The following ACER2 variants were observed in gnomAD, a reference collection of about 807,000 sequenced individuals.
ACER2 encodes the protein alkCDase 2.
A neutral mutation model predicts 34.7 loss-of-function variants in ACER2; 26 were observed. That is an observed-to-expected ratio of 0.75 (90% CI 0.55 to 1.04). ACER2 has a LOEUF of 1.04. Among genes scored for constraint, ACER2 ranks in the 50% least tolerant of loss-of-function variants. The pLI is 0.00. For synonymous variants in ACER2, 138 were observed against 132.1 expected, an observed-to-expected ratio of 1.04 and a Z score of -0.31; for missense variants, 352 against 340.8, an observed-to-expected ratio of 1.03 and a Z score of -0.26.
chr9:19,430,373 C>G (rs1332891270), intron 3 of ACER2, among the ~76,000 whole-genome samples: 1 of 152,124 alleles, frequency 6.6e-6, no homozygotes, highest in Non-Finnish European at 1.5e-5. Flanking sequence ...GTGTGAGACC[C>G]TAATGGGCTG....
chr9:19,409,347 C>A (rs571734328), intron 1 of ACER2, among the ~76,000 whole-genome samples, 155 bp downstream of exon 1: 1 of 152,344 alleles, frequency 6.6e-6, no homozygotes, highest in South Asian at 2.1e-4. Flanking sequence ...CGGCGCGCTC[C>A]TTTCAGTTCT....
rs548750129 is a variant in ACER2, at chr9:19,438,416, G to T, written c.503+3332G>T. On this transcript the variant is annotated intron_variant, in intron 4 of 5. Coordinates refer to ENST00000340967, the MANE Select transcript of ACER2 (RefSeq NM_001010887.3). ...ATTATCCAGGAACTCTCCCTAATGTGCCTTGGGTGAAGATGTTAGTTGAAG... is the reference window on the plus strand; with the variant it reads ...ATTATCCAGGAACTCTCCCTAATGTTCCTTGGGTGAAGATGTTAGTTGAAG... Among the ~76,000 whole-genome samples, 8 of 152,268 alleles carry T rather than the reference G, an allele frequency of 5.3e-5. No homozygotes were observed. The South Asian group carries it at 1.7e-3, about 32-fold the overall frequency.
chr9:19,447,951 CAT>C (rs1831420430), intron 5 of ACER2, among the ~76,000 whole-genome samples: 1 of 140,476 alleles, frequency 7.1e-6, no homozygotes, highest in Non-Finnish European at 1.6e-5. Context: ...CACACGCACA[CAT>C]ATATATGTCT....
Position 19,419,667 on chromosome 9 carries a change from G to C in ACER2, c.109-4195G>C, listed in dbSNP as rs561464398. On this transcript the variant is annotated intron_variant, in intron 1 of 5. Transcript: ENST00000340967. ...AATCCCAGCTACTCTGGAGGCTGAGGCAGGAGAATTGCTTGAAGCCAGGAG... is the reference window on the plus strand; with the variant it reads ...AATCCCAGCTACTCTGGAGGCTGAGCCAGGAGAATTGCTTGAAGCCAGGAG... Among the ~76,000 whole-genome samples, 3 of 152,194 alleles carry C rather than the reference G, an allele frequency of 2.0e-5. No homozygotes were observed. In the East Asian group the frequency reaches 5.8e-4, roughly 29 times the overall value.
intron 1 of ACER2, among the ~76,000 whole-genome samples, chr9:19,413,265 A>G (rs1400218302): frequency 6.6e-6 from 1 of 152,162 alleles, no homozygotes; most frequent in Non-Finnish European, 1.5e-5. Flanking sequence ...TCTTCTATAT[A>G]CAAATTTTAT....
chr9:19,427,812 G>A (rs1423147964), intron 3 of ACER2, among the ~76,000 whole-genome samples: 2 of 151,708 alleles, frequency 1.3e-5, no homozygotes, highest in African/African-American at 2.4e-5. Flanking sequence ...GACTACAGGC[G>A]CCCGCCACCA....
chr9:19,419,729 C>T (rs566056451), intron 1 of ACER2, among the ~76,000 whole-genome samples: 1 of 152,200 alleles, frequency 6.6e-6, no homozygotes, highest in Non-Finnish European at 1.5e-5. Context: ...TGCCGTTGCA[C>T]TCCAGCCTGG....
At chr9:19,428,290 C>T (rs541789510) in intron 3 of ACER2, among the ~76,000 whole-genome samples, 1 of 152,012 alleles carries the variant, frequency 6.6e-6, no homozygotes, top group Non-Finnish European at 1.5e-5. Context: ...GCCTCAGCCT[C>T]CCGAGTCGCT....
At chr9:19,437,140 A>G (rs1335065656) in intron 4 of ACER2, among the ~76,000 whole-genome samples, 1 of 152,112 alleles carries the variant, frequency 6.6e-6, no homozygotes, top group Non-Finnish European at 1.5e-5. Context: ...TCTGCAGTCC[A>G]TCCTCGTCTC....
intron 5 of ACER2, 162 bp downstream of exon 5, chr9:19,446,580 C>G: frequency 2.0e-6 from 2 of 985,426 alleles, no homozygotes; most frequent in Non-Finnish European, 2.4e-6. Flanking sequence ...TGAAAGCACA[C>G]TTTGTAAAAA....
chr9:19,437,353 A>T (rs1356363584), intron 4 of ACER2, among the ~76,000 whole-genome samples: 1 of 152,090 alleles, frequency 6.6e-6, no homozygotes, highest in African/African-American at 2.4e-5. Context: ...TTACACTTGA[A>T]ATCCTACAAT....
chr9:19,437,260 C>T (rs898934743), intron 4 of ACER2, among the ~76,000 whole-genome samples: 3 of 152,204 alleles, frequency 2.0e-5, no homozygotes, highest in Non-Finnish European at 4.4e-5. Flanking sequence ...CCCTGTTTGC[C>T]TACGATTTCC....
rs1299993240 is a variant in ACER2 at position 19,424,455 on chromosome 9, G to C, written c.224-245G>C. 13 of 985,272 alleles carry C rather than the reference G, an allele frequency of 1.3e-5. No homozygotes were observed. The East Asian group carries it at 5.7e-4, about 43-fold the overall frequency. 61.0% of individuals were successfully genotyped at this position (985,272 alleles called of 1,614,324 possible). A position where few individuals can be genotyped will look rare whatever the true frequency, so the allele number is the denominator to read the frequency against. ...AAGGCTCAGTGGATGAAGACAGAAT[G>C]CGTTTAACTGTGGAATTGTTAAAGT... On this transcript the variant is annotated intron_variant, in intron 2 of 5. Coordinates refer to ENST00000340967, the MANE Select transcript of ACER2 (RefSeq NM_001010887.3).
At chr9:19,423,230 A>G (rs1279319209) in intron 1 of ACER2, among the ~76,000 whole-genome samples, 1 of 152,176 alleles carries the variant, frequency 6.6e-6, no homozygotes, top group Non-Finnish European at 1.5e-5. Flanking sequence ...TGCAATAAGA[A>G]TTACTGGTTA....
intron 5 of ACER2, 123 bp from the exon 6 acceptor site, chr9:19,450,327 G>A: frequency 7.4e-7 from 1 of 1,350,950 alleles, no homozygotes; most frequent in Non-Finnish European, 9.6e-7. Context: ...ATTAGAAGAG[G>A]CCCCTGGGCT....
intron 1 of ACER2, among the ~76,000 whole-genome samples, chr9:19,419,818 T>A (rs1830346943): frequency 6.6e-6 from 1 of 152,070 alleles, no homozygotes; most frequent in Non-Finnish European, 1.5e-5. Flanking sequence ...AGGTACCCCT[T>A]TCTCCATAAT....
chr9:19,451,735 A>G lies in ACER2; in HGVS notation c.*1099A>G, dbSNP rs1831576647. The G allele has an allele frequency of 6.6e-6, 1 of 152,132 alleles. No individual in the cohort carries two copies. Among genetic ancestry groups the G allele is most frequent in the African/African-American group, 2.4e-5 (1 of 41,412 alleles). 9.4% of individuals were successfully genotyped at this position (152,132 alleles called of 1,614,324 possible). ...TAAGTTTACCAAAGGGCTCCTCACA[A>G]TTGTGGTGGGGGTTCTGGTTCAAAA... is the stretch of plus-strand genomic sequence containing the variant. On this transcript the variant is annotated 3_prime_UTR_variant, in exon 6 of 6. Coordinates refer to ENST00000340967, the MANE Select transcript of ACER2 (RefSeq NM_001010887.3).
intron 4 of ACER2, among the ~76,000 whole-genome samples, chr9:19,440,233 C>G (rs555475677): frequency 6.6e-6 from 1 of 152,208 alleles, no homozygotes; most frequent in South Asian, 2.1e-4. Context: ...CACTACCTCT[C>G]GGCAGCTCCT....
chr9:19,424,433 G>C, intron 2 of ACER2: 1 of 985,392 alleles, frequency 1.0e-6, no homozygotes, highest in Non-Finnish European at 1.2e-6. Context: ...TCCCAGAAAG[G>C]CTCAGTGGAT....
Sources: gnomAD v4.1 joint callset for allele counts (sites outside exome capture counted in the v4.1 genomes callset) on GRCh38, gnomAD v4.1.1 for gene constraint, MANE v1.5 for transcripts, NCBI Gene and HGNC (gene_info 2026-07-23, HGNC 2026-07-21) for gene names.